PAPSS1: variants seen among roughly 807,000 people sequenced by gnomAD.
The protein encoded by PAPSS1 is 3'-phosphoadenosine 5'-phosphosulfate synthase 1.
PAPSS1 carries 50 observed loss-of-function variants against 72.0 expected under a neutral mutation model. The ratio of observed to expected loss-of-function variants is 0.69; its 90% CI spans 0.55 to 0.88. The LOEUF (loss-of-function observed/expected upper bound fraction) is 0.88, where lower values mean the gene tolerates loss of function less well. PAPSS1 is among the 40% of genes least tolerant of loss of function. The pLI is 0.00. For missense variants in PAPSS1, 657 were observed against 782.2 expected (o/e 0.84, Z 1.91); for synonymous variants, 261 against 263.6 (o/e 0.99, Z 0.09).
intron 3 of PAPSS1, 35 bp downstream of exon 3, chr4:107,693,736 G>A: frequency 7.0e-7 from 1 of 1,434,450 alleles, no homozygotes; most frequent in Non-Finnish European, 9.8e-7. Flanking sequence ...CTCAATAAAT[G>A]TAAGCAGAAA....
chr4:107,643,929 T>A (rs1439093018), intron 10 of PAPSS1, among the ~76,000 whole-genome samples: 1 of 152,162 alleles, frequency 6.6e-6, no homozygotes, highest in African/African-American at 2.4e-5. Context: ...ACGATCAGAA[T>A]GGGACAGAAT....
chr4:107,712,003 T>A (rs1310112637), intron 1 of PAPSS1, among the ~76,000 whole-genome samples: 1 of 152,194 alleles, frequency 6.6e-6, no homozygotes, highest in East Asian at 1.9e-4. Flanking sequence ...ACCACAGACG[T>A]CCTGAATCAG....
chr4:107,655,225 C>G (rs1046317625), intron 7 of PAPSS1, among the ~76,000 whole-genome samples: 1 of 151,872 alleles, frequency 6.6e-6, no homozygotes, highest in South Asian at 2.1e-4. Context: ...GCTGGTTAAG[C>G]CTAACATCAC....
intron 5 of PAPSS1, among the ~76,000 whole-genome samples, chr4:107,672,697 T>C (rs1390784093): frequency 6.6e-6 from 1 of 152,200 alleles, no homozygotes; most frequent in Non-Finnish European, 1.5e-5. Flanking sequence ...AACGTCCCTG[T>C]CTGACAGCTT....
chr4:107,699,159 A>G (rs1723146040), intron 2 of PAPSS1, among the ~76,000 whole-genome samples: 1 of 152,136 alleles, frequency 6.6e-6, no homozygotes, highest in Non-Finnish European at 1.5e-5. Context: ...CTAAAGATCA[A>G]TTTTCCCCCA....
intron 6 of PAPSS1, among the ~76,000 whole-genome samples, chr4:107,658,566 A>G (rs1203710385): frequency 6.6e-6 from 1 of 152,192 alleles, no homozygotes; most frequent in African/African-American, 2.4e-5. Flanking sequence ...CTAAGCATAC[A>G]GCAGTGGCTC....
intron 5 of PAPSS1, among the ~76,000 whole-genome samples, chr4:107,676,162 C>T (rs6830107): frequency 0.038 from 5,719 of 151,924 alleles, 315 homozygotes; most frequent in African/African-American, 0.13. Flanking sequence ...CTATTCAACA[C>T]AGTGTTGGAA....
chr4:107,633,238 C>T (rs1726268822), intron 10 of PAPSS1, among the ~76,000 whole-genome samples: 1 of 152,104 alleles, frequency 6.6e-6, no homozygotes, highest in Non-Finnish European at 1.5e-5. Context: ...TTGATGAAAT[C>T]AATATTCATC....
At chr4:107,652,720 T>C (rs1578399631) in intron 9 of PAPSS1, among the ~76,000 whole-genome samples, 1 of 152,206 alleles carries the variant, frequency 6.6e-6, no homozygotes, top group Admixed American at 6.5e-5. Context: ...ATATTGGAAG[T>C]ACACAGTATA....
intron 4 of PAPSS1, among the ~76,000 whole-genome samples, chr4:107,683,598 T>C (rs1482424289): frequency 6.6e-6 from 1 of 152,210 alleles, no homozygotes; most frequent in African/African-American, 2.4e-5. Context: ...GGAGTTCTCC[T>C]ACTAGATAAT....
At chr4:107,705,555 G>C (rs1285941212) in intron 1 of PAPSS1, among the ~76,000 whole-genome samples, 1 of 152,222 alleles carries the variant, frequency 6.6e-6, no homozygotes, top group East Asian at 1.9e-4. Flanking sequence ...TGGTCTTAGA[G>C]AGTTCTTTAT....
chr4:107,674,071 C>T lies in PAPSS1; in HGVS notation c.669+7944G>A, dbSNP rs538258456. ...AGCAGTAAACATAGAAAGGAACAAC[C>T]GGTACCAGCCACTGCAAAAATGTGA... On this transcript the variant is annotated intron_variant, in intron 5 of 11. Coordinates refer to ENST00000265174, the MANE Select transcript of PAPSS1 (RefSeq NM_005443.5). Among the ~76,000 whole-genome samples, 332 of 152,254 alleles carry T rather than the reference C, an allele frequency of 2.2e-3. 3 individuals are homozygous for T. The highest frequency in any genetic ancestry group is 7.3e-3 in the African/African-American group (303 of 41,546).
At chr4:107,681,672 C>G (rs564457729) in intron 5 of PAPSS1, among the ~76,000 whole-genome samples, 1 of 152,228 alleles carries the variant, frequency 6.6e-6, no homozygotes, top group East Asian at 1.9e-4. Flanking sequence ...CTTTGTATAC[C>G]TCAAATGGAA....
chr4:107,675,180 G>T (rs1727605270), intron 5 of PAPSS1, among the ~76,000 whole-genome samples: 1 of 152,026 alleles, frequency 6.6e-6, no homozygotes, highest in Non-Finnish European at 1.5e-5. Context: ...AAATAACTAA[G>T]ATCAGAGCAG....
chr4:107,707,908 G>A (rs957831803), intron 1 of PAPSS1, among the ~76,000 whole-genome samples: 1 of 152,078 alleles, frequency 6.6e-6, no homozygotes, highest in Non-Finnish European at 1.5e-5. Flanking sequence ...ACTTCCATGA[G>A]ATTAAGGATC....
chr4:107,672,989 C>A (rs1486413581), intron 5 of PAPSS1, among the ~76,000 whole-genome samples: 1 of 152,132 alleles, frequency 6.6e-6, no homozygotes, highest in African/African-American at 2.4e-5. Flanking sequence ...AACAGACCTG[C>A]AGCTGAGGGT....
intron 3 of PAPSS1, 140 bp from the exon 4 acceptor site, chr4:107,687,317 A>T (rs1722812910): frequency 8.2e-6 from 5 of 608,588 alleles, no homozygotes; most frequent in Admixed American, 4.1e-5. Context: ...AACTGAAAAA[A>T]AAATCCAAGA....
intron 5 of PAPSS1, among the ~76,000 whole-genome samples, chr4:107,673,714 T>C (rs1281323244): frequency 2.0e-5 from 3 of 152,024 alleles, no homozygotes. Flanking sequence ...AAGATACTCC[T>C]CCAGAAGAGC....
At chr4:107,641,306 CA>C in intron 10 of PAPSS1, among the ~76,000 whole-genome samples, 1 of 152,318 alleles carries the variant, frequency 6.6e-6, no homozygotes, top group East Asian at 1.9e-4. Context: ...CAGTTTATCC[CA>C]GAATCCCCTA....
Sources: gnomAD v4.1 joint callset for allele counts (sites outside exome capture counted in the v4.1 genomes callset) on GRCh38, gnomAD v4.1.1 for gene constraint, MANE v1.5 for transcripts, NCBI Gene and HGNC (gene_info 2026-07-23, HGNC 2026-07-21) for gene names.